The following HIP1 variants were observed in gnomAD, a reference collection of about 807,000 sequenced individuals.
HIP1 encodes the protein huntingtin interacting protein 1, also known as huntingtin-interacting protein 1.
HIP1 carries 65 observed loss-of-function variants against 147.6 expected under a neutral mutation model. That is an observed-to-expected ratio of 0.44 (90% CI 0.36 to 0.54). The LOEUF is 0.54. Among genes scored for constraint, HIP1 ranks in the 20% least tolerant of loss-of-function variants. The probability of loss-of-function intolerance (pLI) is 0.00; values close to 1 mark genes in which losing one functional copy is unlikely to be tolerated. For missense variants in HIP1, 1,061 were observed against 1,299.6 expected, an observed-to-expected ratio of 0.82 and a Z score of 2.82; for synonymous variants, 479 against 504.0, an observed-to-expected ratio of 0.95 and a Z score of 0.67.
In HIP1 at chr7:75,734,985, G is replaced by C. The variant is rs570203771; in HGVS notation, c.120+3816C>G. Reference sequence around the variant, plus strand: ...AGGAAGAGTTAATCACAGCCTGCTTGATTGCTCACACTTCTGCTGTCTCGG... The same window carrying C: ...AGGAAGAGTTAATCACAGCCTGCTTCATTGCTCACACTTCTGCTGTCTCGG... On this transcript the variant is annotated intron_variant, in intron 1 of 30. Coordinates refer to ENST00000336926, the MANE Select transcript of HIP1 (RefSeq NM_005338.7). 3.3e-5 allele frequency among the ~76,000 whole-genome samples: 5 copies of C among 152,194 alleles called. No homozygotes were observed. The East Asian group carries it at 7.7e-4, about 23-fold the overall frequency.
chr7:75,734,359 T>G (rs563778590), intron 1 of HIP1, among the ~76,000 whole-genome samples: 1 of 151,812 alleles, frequency 6.6e-6, no homozygotes, highest in Non-Finnish European at 1.5e-5. Context: ...GGCAGGAGGA[T>G]CACTTGAGCC....
At chr7:75,611,474 A>AAG (rs1267644263) in intron 1 of HIP1, among the ~76,000 whole-genome samples, 2 of 151,388 alleles carry the variant, frequency 1.3e-5, no homozygotes, top group African/African-American at 4.9e-5. Flanking sequence ...CTCAAAAAAA[A>AAG]AAAAAAAGAA....
At chr7:75,687,107 A>G (rs1554517657) in intron 1 of HIP1, among the ~76,000 whole-genome samples, 1 of 152,144 alleles carries the variant, frequency 6.6e-6, no homozygotes, top group Non-Finnish European at 1.5e-5. Flanking sequence ...AGAGAAACAA[A>G]TGGACATTTG....
intron 8 of HIP1, among the ~76,000 whole-genome samples, chr7:75,570,842 A>G (rs1554496499): frequency 6.6e-6 from 1 of 151,738 alleles, no homozygotes; most frequent in East Asian, 2.0e-4. Context: ...CCCTGTCTCT[A>G]CTAAAAACAA....
intron 4 of HIP1, among the ~76,000 whole-genome samples, chr7:75,588,338 A>G (rs1444779290): frequency 6.6e-6 from 1 of 152,212 alleles, no homozygotes; most frequent in African/African-American, 2.4e-5. Context: ...CATGGGCAAA[A>G]TGCACCAAAA....
chr7:75,589,160 A>G (rs1221048900), intron 4 of HIP1, among the ~76,000 whole-genome samples: 3 of 151,914 alleles, frequency 2.0e-5, no homozygotes, highest in African/African-American at 7.2e-5. Context: ...TAAAAAAAAA[A>G]AAAAGAAGAA....
chr7:75,593,195 CTGGCCTCAAGTGGTCCTCCCCTCT>C (rs1366643385), intron 2 of HIP1, among the ~76,000 whole-genome samples: 1 of 152,176 alleles, frequency 6.6e-6, no homozygotes, highest in African/African-American at 2.4e-5. Context: ...TCTCAAGCTC[CTGGCCTCAAGTGGTCCTCCCCTCT>C]TGGCCTCGCA....
At chr7:75,684,187 C>T (rs1800181906) in intron 1 of HIP1, among the ~76,000 whole-genome samples, 1 of 152,046 alleles carries the variant, frequency 6.6e-6, no homozygotes, top group South Asian at 2.1e-4. Context: ...TGACTCACAC[C>T]TGTAATCCCA....
rs587668493 is a variant in HIP1 at position 75,575,018 on chromosome 7, C to T, written c.605-1117G>A. On this transcript the variant is annotated intron_variant, in intron 7 of 30. Transcript: ENST00000336926. ...ACTGAAAATACAAAAATTAGCCAGGCGTGATGGCTCACGCCTGTAATCCCA... is the reference window on the plus strand; with the variant it reads ...ACTGAAAATACAAAAATTAGCCAGGTGTGATGGCTCACGCCTGTAATCCCA... 8.0e-4 allele frequency among the ~76,000 whole-genome samples: 121 copies of T among 151,678 alleles called. 1 individual carries two copies. The highest frequency in any genetic ancestry group is 2.6e-3 in the African/African-American group (109 of 41,346).
chr7:75,544,172 C>CAA lies in HIP1; in HGVS notation c.2766+521_2766+522dup, dbSNP rs369891293. On this transcript the variant is annotated intron_variant, in intron 27 of 30. Transcript: ENST00000336926. ...GGGTGACAGAGCAAGGCTCTGTCTC[C>CAA]AAAAAAAAAAAAAAAAAAGCCTCTG... is the stretch of plus-strand genomic sequence containing the variant. Among the ~76,000 whole-genome samples the CAA allele has an allele frequency of 1.9e-3, 179 of 96,574 alleles. 1 individual carries two copies. The highest frequency in any genetic ancestry group is 2.5e-3 in the African/African-American group (67 of 26,502). 63.4% of individuals were successfully genotyped at this position (96,574 alleles called of 152,430 possible). A position where few individuals can be genotyped will look rare whatever the true frequency, so the allele number is the denominator to read the frequency against.
chr7:75,683,821 A>G (rs924555888), intron 1 of HIP1, among the ~76,000 whole-genome samples: 1 of 152,206 alleles, frequency 6.6e-6, no homozygotes, highest in Admixed American at 6.6e-5. Flanking sequence ...ACAGCACTTG[A>G]CAGTTTACAA....
intron 8 of HIP1, among the ~76,000 whole-genome samples, chr7:75,570,849 A>G (rs917527720): frequency 2.6e-5 from 4 of 151,692 alleles, no homozygotes; most frequent in Non-Finnish European, 5.9e-5. Flanking sequence ...TCTACTAAAA[A>G]CAATACAAAA....
intron 1 of HIP1, among the ~76,000 whole-genome samples, chr7:75,637,806 C>T (rs1471365143): frequency 6.6e-6 from 1 of 151,960 alleles, no homozygotes; most frequent in Non-Finnish European, 1.5e-5. Flanking sequence ...CATCAGCCCC[C>T]ATCCCATTGT....
At chr7:75,729,441 C>G (rs1032015215) in intron 1 of HIP1, among the ~76,000 whole-genome samples, 2 of 150,970 alleles carry the variant, frequency 1.3e-5, no homozygotes, top group African/African-American at 2.4e-5. Flanking sequence ...GAGCTATGAT[C>G]GCATCACTGC....
rs782646103 is a variant in HIP1 at position 75,553,483 on chromosome 7, G to A, written c.2265C>T (p.Asn755=). 12 of 1,614,180 alleles carry A rather than the reference G, an allele frequency of 7.4e-6. 1 individual carries two copies. In the South Asian group the frequency reaches 1.3e-4, roughly 18 times the overall value. ...CGATGGCCTTGATCTTGCTCAGGCA[G>A]TTCCTCATGGCTGTGCTGTCGGCAT... ...LENADSTAMR[N]CLSKIKAIGE... is the part of the protein sequence containing the mutation. Residue 755 remains asparagine (N), a synonymous_variant, in exon 22 of 31, where the codon AAC becomes AAT. Coordinates refer to ENST00000336926, the MANE Select transcript of HIP1 (RefSeq NM_005338.7).
At chr7:75,583,512 G>A (rs1264414600) in intron 5 of HIP1, among the ~76,000 whole-genome samples, 2 of 152,050 alleles carry the variant, frequency 1.3e-5, no homozygotes, top group African/African-American at 2.4e-5. Flanking sequence ...TGACAGATTC[G>A]GTGCCTGGTG....
At chr7:75,546,688 G>T (rs1326464368) in intron 25 of HIP1, among the ~76,000 whole-genome samples, 3 of 152,150 alleles carry the variant, frequency 2.0e-5, no homozygotes, top group Non-Finnish European at 4.4e-5. Flanking sequence ...TGTAAAAAGG[G>T]CTCCCACAGC....
At position 75,535,661 on chromosome 7, in the gene HIP1, G is replaced by T. The variant is rs1409666848; in HGVS notation, c.*2511C>A. ...AGGCATGCGCCACTGTGCCCGGCTG[G>T]GCAGAGAATCTTAATTTGATCCATT... On this transcript the variant is annotated 3_prime_UTR_variant, in exon 31 of 31. Transcript: ENST00000336926. 1 of 179,006 alleles carries T rather than the reference G, an allele frequency of 5.6e-6. No individual in the cohort carries two copies. Among genetic ancestry groups the T allele is most frequent in the Non-Finnish European group, 1.2e-5 (1 of 84,042 alleles). 11.1% of individuals were successfully genotyped at this position (179,006 alleles called of 1,614,324 possible).
intron 1 of HIP1, among the ~76,000 whole-genome samples, chr7:75,678,657 A>G (rs1310924605): frequency 6.6e-6 from 1 of 152,072 alleles, no homozygotes; most frequent in Non-Finnish European, 1.5e-5. Context: ...TTTATTGTTA[A>G]GAACCTGGTA....
Sources: gnomAD v4.1 joint callset for allele counts (sites outside exome capture counted in the v4.1 genomes callset) on GRCh38, gnomAD v4.1.1 for gene constraint, MANE v1.5 for transcripts, NCBI Gene and HGNC (gene_info 2026-07-23, HGNC 2026-07-21) for gene names.